The following C1orf21 variants were observed in gnomAD, a reference collection of about 807,000 sequenced individuals.
The protein encoded by C1orf21 is chromosome 1 open reading frame 21, also known as uncharacterized protein C1orf21.
Under a neutral mutation model 18.7 loss-of-function variants are expected in C1orf21, and 3 were observed. The ratio of observed to expected loss-of-function variants is 0.16; its 90% confidence interval spans 0.07 to 0.42. The LOEUF (loss-of-function observed/expected upper bound fraction) is 0.42, where lower values mean the gene tolerates loss of function less well. C1orf21 is among the 10% of genes least tolerant of loss of function. The probability of loss-of-function intolerance (pLI) is 0.99; values close to 1 mark genes in which losing one functional copy is unlikely to be tolerated. For synonymous variants in C1orf21, 41 were observed against 46.4 expected (o/e 0.88, Z 0.47); for missense variants, 104 against 143.6 (o/e 0.72, Z 1.41).
chr1:184,443,534 A>G (rs1280159692), intron 1 of C1orf21, among the ~76,000 whole-genome samples: 1 of 152,190 alleles, frequency 6.6e-6, no homozygotes, highest in Non-Finnish European at 1.5e-5. Flanking sequence ...CTGAAAAGAA[A>G]ATTTCCTTTT....
chr1:184,558,848 G>C (rs1168033543), intron 3 of C1orf21, among the ~76,000 whole-genome samples: 2 of 152,228 alleles, frequency 1.3e-5, no homozygotes, highest in Admixed American at 6.5e-5. Flanking sequence ...TCTGGACAAT[G>C]CCTGGCAAGA....
chr1:184,529,053 T>A (rs1011314845), intron 3 of C1orf21, among the ~76,000 whole-genome samples: 2 of 152,200 alleles, frequency 1.3e-5, no homozygotes, highest in African/African-American at 4.8e-5. Context: ...GAGGCAGAAT[T>A]GATACCCTTA....
At chr1:184,522,021 TAA>T (rs1168962311) in intron 3 of C1orf21, among the ~76,000 whole-genome samples, 1 of 152,172 alleles carries the variant, frequency 6.6e-6, no homozygotes, top group Non-Finnish European at 1.5e-5. Flanking sequence ...ACTGAACAAT[TAA>T]ATATTGGCTA....
chr1:184,433,810 G>A (rs551499326), intron 1 of C1orf21, among the ~76,000 whole-genome samples: 2 of 152,124 alleles, frequency 1.3e-5, no homozygotes, highest in East Asian at 3.9e-4. Flanking sequence ...GTTTCCCTTG[G>A]ACCCCAATCC....
intron 1 of C1orf21, among the ~76,000 whole-genome samples, chr1:184,412,842 G>T (rs979391450): frequency 2.6e-5 from 4 of 152,090 alleles, no homozygotes; most frequent in Admixed American, 2.6e-4. Flanking sequence ...TATAAGAAAA[G>T]AAAAATATAT....
At chr1:184,531,144 T>G (rs1168141546) in intron 3 of C1orf21, among the ~76,000 whole-genome samples, 2 of 152,234 alleles carry the variant, frequency 1.3e-5, no homozygotes, top group Non-Finnish European at 2.9e-5. Context: ...GGGCTTCATG[T>G]GTTTTTCTGC....
chr1:184,391,471 C>T (rs1256477538), intron 1 of C1orf21, among the ~76,000 whole-genome samples: 1 of 152,172 alleles, frequency 6.6e-6, no homozygotes, highest in Non-Finnish European at 1.5e-5. Context: ...CACTACTTTG[C>T]ACTTGGAAGT....
At position 184,563,449 on chromosome 1, in the gene C1orf21, A is replaced by G. The variant is rs189135728; in HGVS notation, c.190-27290A>G. On this transcript the variant is annotated intron_variant, in intron 3 of 5. Transcript: ENST00000235307. ...CAAGCTCATCCTACCCCAAAGCACTACCACATGCAACTCTAAAAATACCAA... is the reference window on the plus strand; with the variant it reads ...CAAGCTCATCCTACCCCAAAGCACTGCCACATGCAACTCTAAAAATACCAA... 7.9e-5 allele frequency among the ~76,000 whole-genome samples: 12 copies of G among 152,334 alleles called. No homozygotes were observed. In the East Asian group the frequency reaches 2.1e-3, roughly 27 times the overall value.
chr1:184,410,632 T>TA lies in C1orf21; in HGVS notation c.-125+23265dup, dbSNP rs1553247994. On this transcript the variant is annotated intron_variant, in intron 1 of 5. Transcript: ENST00000235307. ...GCCATATATATTATATATATATATA[T>TA]ATATATATATATATATATATATATA... 0.021 allele frequency among the ~76,000 whole-genome samples: 70 copies of TA among 3,264 alleles called. 19 individuals are homozygous for TA. The African/African-American group carries it at 0.3, about 14-fold the overall frequency. The allele number at this position is 3,264 out of a possible 152,430, so 2.1% of individuals were successfully genotyped here. A position where few individuals can be genotyped will look rare whatever the true frequency, so the allele number is the denominator to read the frequency against.
intron 1 of C1orf21, among the ~76,000 whole-genome samples, chr1:184,441,166 A>G (rs996322344): frequency 1.3e-5 from 2 of 152,092 alleles, no homozygotes. Context: ...ACCTCTATAC[A>G]GCTTCCTCTT....
At chr1:184,599,747 G>A (rs1214428185) in intron 5 of C1orf21, 1 of 152,134 alleles carries the variant, frequency 6.6e-6, no homozygotes, top group African/African-American at 2.4e-5. Flanking sequence ...GTAAAGAGAA[G>A]CATAAAAAGA....
intron 2 of C1orf21, among the ~76,000 whole-genome samples, chr1:184,498,914 C>T (rs945467210): frequency 6.6e-6 from 1 of 152,214 alleles, no homozygotes; most frequent in Admixed American, 6.5e-5. Context: ...AGTCCCACCA[C>T]TCTGTAGATG....
chr1:184,488,788 A>G (rs892142729), intron 2 of C1orf21, among the ~76,000 whole-genome samples: 1 of 152,166 alleles, frequency 6.6e-6, no homozygotes, highest in African/African-American at 2.4e-5. Flanking sequence ...AACACGGTGA[A>G]ATCCTGTCTC....
intron 2 of C1orf21, among the ~76,000 whole-genome samples, chr1:184,506,692 T>C (rs1273303027): frequency 6.6e-6 from 1 of 152,222 alleles, no homozygotes. Flanking sequence ...TTTTTGACTT[T>C]AGTGCGCTCA....
At chr1:184,559,444 T>C (rs1658921492) in intron 3 of C1orf21, among the ~76,000 whole-genome samples, 1 of 151,668 alleles carries the variant, frequency 6.6e-6, no homozygotes, top group Non-Finnish European at 1.5e-5. Context: ...ATAAATTACC[T>C]GGTGTCAGGC....
intron 1 of C1orf21, among the ~76,000 whole-genome samples, chr1:184,424,035 A>G (rs1339998589): frequency 6.6e-6 from 1 of 152,166 alleles, no homozygotes; most frequent in Non-Finnish European, 1.5e-5. Context: ...TTGAATAATT[A>G]TTATTGTTGG....
intron 2 of C1orf21, among the ~76,000 whole-genome samples, chr1:184,495,917 CAAAA>C (rs764285547): frequency 2.0e-5 from 1 of 50,892 alleles, no homozygotes; most frequent in African/African-American, 7.2e-5. Flanking sequence ...GACTCTGTCT[CAAAA>C]AAAAAAAAAA....
At chr1:184,521,894 G>A (rs758685413) in intron 3 of C1orf21, among the ~76,000 whole-genome samples, 1 of 152,020 alleles carries the variant, frequency 6.6e-6, no homozygotes, top group Non-Finnish European at 1.5e-5. Context: ...AAGTAACTTT[G>A]GAAATCAACG....
intron 1 of C1orf21, among the ~76,000 whole-genome samples, chr1:184,392,636 A>G (rs1184846048): frequency 6.6e-6 from 1 of 152,116 alleles, no homozygotes; most frequent in Non-Finnish European, 1.5e-5. Context: ...GAGACCTGTT[A>G]GTGCACTGAG....
Sources: gnomAD v4.1 joint callset for allele counts (sites outside exome capture counted in the v4.1 genomes callset) on GRCh38, gnomAD v4.1.1 for gene constraint, MANE v1.5 for transcripts, NCBI Gene and HGNC (gene_info 2026-07-23, HGNC 2026-07-21) for gene names.